The following ZC3H18 variants were observed in gnomAD, a reference collection of about 807,000 sequenced individuals.
The protein encoded by ZC3H18 is zinc finger CCCH domain-containing protein 18.
In ZC3H18, 8 loss-of-function variants were observed where a neutral mutation model predicts 106.1. The observed-to-expected ratio is 0.08, with a 90% CI of 0.04 to 0.14. The LOEUF (loss-of-function observed/expected upper bound fraction) is 0.14. ZC3H18 is among the 10% of genes least tolerant of loss of function. The pLI is 1.00. For synonymous variants in ZC3H18, 635 were observed against 522.1 expected (o/e 1.22, Z -2.95); for missense variants, 1,318 against 1,278.4 (o/e 1.03, Z -0.47).
chr16:88,625,485 A>C (rs1290635910), intron 13 of ZC3H18: 3 of 591,990 alleles, frequency 5.1e-6, no homozygotes, highest in Non-Finnish European at 8.9e-6. Context: ...CCACCAAAAA[A>C]AGATTCACAA....
chr16:88,581,604 T>C (rs1381055193), intron 2 of ZC3H18, among the ~76,000 whole-genome samples: 3 of 152,146 alleles, frequency 2.0e-5, no homozygotes, highest in Non-Finnish European at 2.9e-5. Context: ...TCATTTGTGG[T>C]GTGGGTGAGG....
chr16:88,610,789 G>T (rs913873518), intron 7 of ZC3H18, among the ~76,000 whole-genome samples: 1 of 152,252 alleles, frequency 6.6e-6, no homozygotes, highest in African/African-American at 2.4e-5. Context: ...CTCTGCTGTG[G>T]CTGCACCTAC....
Position 88,627,768 on chromosome 16 carries a change from C to T in ZC3H18, c.2255C>T (p.Thr752Ile), listed in dbSNP as rs776335585. The T allele has an allele frequency of 7.5e-6, 12 of 1,605,504 alleles. No homozygotes were observed. Among genetic ancestry groups the T allele is most frequent in the Non-Finnish European group, 1.0e-5 (12 of 1,172,722 alleles). Residue 752 changes from threonine to isoleucine, a missense_variant, in exon 14 of 18, where the codon ACC (threonine) becomes ATC (isoleucine). Thr to Ile is a moderately conservative substitution (Grantham distance 89). Transcript: ENST00000301011. The surrounding 1 kb of genome is among the most constrained non-coding windows in gnomAD (Gnocchi z 4.5). ...TCTCGGTCCCCGGCCCCAGCCCAGA[C>T]CAGGAAGGAGAAAGGTACTCAGGAG... ...ASSRSPAPAQ[T>I]RKEKGKSKKE...
At chr16:88,626,011 T>G (rs1185063855) in intron 13 of ZC3H18, 3 of 152,092 alleles carry the variant, frequency 2.0e-5, no homozygotes, top group Non-Finnish European at 4.4e-5. Context: ...TTAGTAGAGA[T>G]GGGGTTTCAC....
intron 10 of ZC3H18, 165 bp downstream of exon 10, chr16:88,623,509 ACAC>A: frequency 1.1e-6 from 1 of 904,024 alleles, no homozygotes; most frequent in Non-Finnish European, 1.6e-6. Flanking sequence ...CCCCCACCAA[ACAC>A]CAGCCTTGCG....
intron 3 of ZC3H18, among the ~76,000 whole-genome samples, chr16:88,593,544 C>G (rs1904308056): frequency 6.6e-6 from 1 of 152,230 alleles, no homozygotes. Flanking sequence ...AGCAGAGCTT[C>G]TGTGTGTGTC....
intron 8 of ZC3H18, among the ~76,000 whole-genome samples, chr16:88,616,218 C>G (rs569558607): frequency 2.0e-5 from 3 of 152,350 alleles, no homozygotes; most frequent in African/African-American, 7.2e-5. Flanking sequence ...AGCTAGGGTT[C>G]AGGAAACTCT....
chr16:88,583,656 G>C (rs556796751), intron 2 of ZC3H18, among the ~76,000 whole-genome samples: 16 of 152,346 alleles, frequency 1.1e-4, no homozygotes, highest in African/African-American at 3.8e-4. Flanking sequence ...TATTTCCCCT[G>C]TGGTGAGAAA....
At chr16:88,594,523 C>G (rs1904333024) in intron 3 of ZC3H18, among the ~76,000 whole-genome samples, 1 of 152,172 alleles carries the variant, frequency 6.6e-6, no homozygotes, top group African/African-American at 2.4e-5. Context: ...TATCTGTTTC[C>G]TGTCTGTTTC....
chr16:88,572,479 T>C (rs1292104872), intron 1 of ZC3H18, among the ~76,000 whole-genome samples: 1 of 151,950 alleles, frequency 6.6e-6, no homozygotes, highest in African/African-American at 2.4e-5. Flanking sequence ...TCAACAAATA[T>C]CTATCAAGTA....
Position 88,625,232 on chromosome 16 carries a change from T to TGGTAGC in ZC3H18, c.2074_2079dup (p.Gly692_Ser693dup). ...CGCTAAGCGGCAGCGGCAGTGGCAG[T>TGGTAGC]GGTAGCAGCTATAGTGGTTCCAGCT... On this transcript the variant is annotated inframe_insertion, in exon 13 of 18. Coordinates refer to ENST00000301011, the MANE Select transcript of ZC3H18 (RefSeq NM_144604.4). 1.3e-6 allele frequency: 2 copies of TGGTAGC among 1,592,842 alleles called. No homozygotes were observed. The highest frequency in any genetic ancestry group is 4.6e-5 in the East Asian group (2 of 43,718).
chr16:88,594,310 T>G (rs779954327), intron 3 of ZC3H18, among the ~76,000 whole-genome samples: 2 of 152,256 alleles, frequency 1.3e-5, no homozygotes, highest in Non-Finnish European at 2.9e-5. Flanking sequence ...TGAGATATCT[T>G]TAAGTGTCTC....
chr16:88,631,404 G>T lies in ZC3H18; in HGVS notation c.*105G>T. The T allele has an allele frequency of 9.0e-5, 126 of 1,401,074 alleles. No homozygotes were observed. Among genetic ancestry groups the T allele is most frequent in the East Asian group, 3.0e-4 (11 of 36,954 alleles). The allele number at this position is 1,401,074 out of a possible 1,614,324, so 86.8% of individuals were successfully genotyped here. A position where few individuals can be genotyped will look rare whatever the true frequency, so the allele number is the denominator to read the frequency against. On this transcript the variant is annotated 3_prime_UTR_variant, in exon 18 of 18. Coordinates refer to ENST00000301011, the MANE Select transcript of ZC3H18 (RefSeq NM_144604.4). ...TTTTGGCTGTGATTCTTTTTAAAAA[G>T]TAAAAAAGAAAAAAAAGTTTCTCAG...
intron 2 of ZC3H18, among the ~76,000 whole-genome samples, chr16:88,581,581 T>G (rs1915132968): frequency 6.6e-6 from 1 of 152,210 alleles, no homozygotes; most frequent in Non-Finnish European, 1.5e-5. Flanking sequence ...ACCAGCAGTT[T>G]GCAGCACCTG....
chr16:88,627,821 G>T lies in ZC3H18; in HGVS notation c.2269+39G>T, dbSNP rs200034191. 2.9e-4 allele frequency: 462 copies of T among 1,609,686 alleles called. 1 individual carries two copies. The highest frequency in any genetic ancestry group is 3.7e-4 in the Non-Finnish European group (437 of 1,177,044). On this transcript the variant is annotated intron_variant, in intron 14 of 17. Coordinates refer to ENST00000301011, the MANE Select transcript of ZC3H18 (RefSeq NM_144604.4). The surrounding 1 kb of genome is among the most constrained non-coding windows in gnomAD (Gnocchi z 4.5). ...CTGGTACCTTTGGGGAGCAGCTCCC[G>T]GGGGAGGAGGGCGGCATCAGCACAG...
intron 6 of ZC3H18, among the ~76,000 whole-genome samples, chr16:88,606,860 C>G (rs764148731): frequency 1.3e-5 from 2 of 152,150 alleles, no homozygotes; most frequent in African/African-American, 2.4e-5. Flanking sequence ...GAGGAGGCCT[C>G]GAGGGTGTTC....
chr16:88,631,961 A>T lies in ZC3H18; in HGVS notation c.*662A>T. The T allele has an allele frequency of 3.8e-6, 1 of 261,450 alleles. No individual in the cohort carries two copies. The highest frequency in any genetic ancestry group is 3.5e-5 in the South Asian group (1 of 28,198). 16.2% of individuals were successfully genotyped at this position (261,450 alleles called of 1,614,324 possible). A position where few individuals can be genotyped will look rare whatever the true frequency, so the allele number is the denominator to read the frequency against. On this transcript the variant is annotated 3_prime_UTR_variant, in exon 18 of 18. Transcript: ENST00000301011. ...TCTCCTAAAATAAAATATTTTGATA[A>T]GCAGCTGTCCTTGCCCTCGTGGTGT...
intron 8 of ZC3H18, among the ~76,000 whole-genome samples, chr16:88,613,201 G>T (rs370211559): frequency 6.6e-6 from 1 of 152,208 alleles, no homozygotes; most frequent in Non-Finnish European, 1.5e-5. Context: ...ACGTTGTAGC[G>T]TGGGTCAGTG....
chr16:88,586,523 T>C, intron 2 of ZC3H18, 77 bp from the exon 3 acceptor site: 7 of 1,226,496 alleles, frequency 5.7e-6, no homozygotes, highest in Non-Finnish European at 8.4e-6. Flanking sequence ...CGCAGCTTCC[T>C]GCCCCTTCTG....
Sources: allele counts gnomAD v4.1 joint callset (sites outside exome capture counted in the v4.1 genomes callset), GRCh38; gene constraint gnomAD v4.1.1; non-coding constraint Gnocchi (gnomAD v3.1); transcripts MANE v1.5; gene names NCBI Gene and HGNC (gene_info 2026-07-23, HGNC 2026-07-21).